The following DLG2 variants were observed in gnomAD, a reference collection of about 807,000 sequenced individuals.
The protein encoded by DLG2 is discs large MAGUK scaffold protein 2, also known as disks large homolog 2.
DLG2 carries 45 observed loss-of-function variants against 132.5 expected under a neutral mutation model. The observed-to-expected ratio is 0.34, with a 90% CI of 0.27 to 0.44. DLG2 has a LOEUF of 0.44. Among genes scored for constraint, DLG2 ranks in the 20% least tolerant of loss-of-function variants. The pLI is 1.00. For missense variants in DLG2, 1,045 were observed against 1,196.9 expected (o/e 0.87, Z 1.87); for synonymous variants, 424 against 419.6 (o/e 1.01, Z -0.13).
chr11:84,365,479 T>C (rs2098676552), intron 7 of DLG2, among the ~76,000 whole-genome samples: 1 of 152,150 alleles, frequency 6.6e-6, no homozygotes, highest in African/African-American at 2.4e-5. Flanking sequence ...GATTCATTAA[T>C]TTTTTGAAGG....
intron 7 of DLG2, among the ~76,000 whole-genome samples, chr11:84,418,054 C>G (rs1448159838): frequency 6.6e-6 from 1 of 152,156 alleles, no homozygotes; most frequent in Non-Finnish European, 1.5e-5. Flanking sequence ...TATAACTAAT[C>G]TTAAGATAAT....
At position 84,581,032 on chromosome 11, in the gene DLG2, G is replaced by C. The variant is rs141027586; in HGVS notation, c.358-46301C>G. Among the ~76,000 whole-genome samples, 543 of 152,310 alleles carry C rather than the reference G, an allele frequency of 3.6e-3. 1 individual carries two copies. Among genetic ancestry groups the C allele is most frequent in the Non-Finnish European group, 6.0e-3 (407 of 68,020 alleles). On this transcript the variant is annotated intron_variant, in intron 6 of 27. Transcript: ENST00000376104. ...CTTCTGTTGAGAGAAGCACGAAAAA[G>C]CCATTCTGTCTTTACACAAAATGAC...
intron 15 of DLG2, among the ~76,000 whole-genome samples, chr11:83,903,333 A>G (rs1257099223): frequency 6.6e-6 from 1 of 152,142 alleles, no homozygotes; most frequent in Non-Finnish European, 1.5e-5. Context: ...GAAAAAACCT[A>G]TCAGACCCAT....
At chr11:83,837,747 A>AC (rs2056612605) in intron 16 of DLG2, among the ~76,000 whole-genome samples, 1 of 147,102 alleles carries the variant, frequency 6.8e-6, no homozygotes, top group Non-Finnish European at 1.5e-5. Flanking sequence ...AAAAAAAAAA[A>AC]GAAAAGAAAG....
chr11:85,156,837 C>T (rs1032629811), intron 4 of DLG2, among the ~76,000 whole-genome samples: 1 of 152,222 alleles, frequency 6.6e-6, no homozygotes, highest in East Asian at 1.9e-4. Flanking sequence ...TTAGCCAGAT[C>T]AGAGCCCTTA....
intron 7 of DLG2, among the ~76,000 whole-genome samples, chr11:84,508,873 T>C (rs2099249690): frequency 1.3e-5 from 2 of 152,252 alleles, no homozygotes; most frequent in Non-Finnish European, 2.9e-5. Context: ...CTTTGTGAAG[T>C]AGATGCTCAG....
chr11:83,819,460 A>G (rs1189436874), intron 17 of DLG2, among the ~76,000 whole-genome samples: 3 of 116,238 alleles, frequency 2.6e-5, no homozygotes, highest in East Asian at 2.5e-4. Flanking sequence ...ACAGAGCAAG[A>G]CTCTATCTCA....
At chr11:84,002,260 T>C (rs2095233813) in intron 11 of DLG2, among the ~76,000 whole-genome samples, 1 of 152,312 alleles carries the variant, frequency 6.6e-6, no homozygotes, top group South Asian at 2.1e-4. Context: ...GTTTTCATAC[T>C]GCTATAGATA....
At position 84,583,523 on chromosome 11, in the gene DLG2, T is replaced by A. The variant is rs181454906; in HGVS notation, c.358-48792A>T. Among the ~76,000 whole-genome samples, 112 of 152,332 alleles carry A rather than the reference T, an allele frequency of 7.4e-4. 1 individual carries two copies. Among genetic ancestry groups the A allele is most frequent in the African/African-American group, 2.4e-3 (98 of 41,560 alleles). The stretch of plus-strand genomic sequence containing the variant: ...TATCTTAACAAACCCTAATGTTATG[T>A]TTTTTGACTATATGTTTGATGTATG... On this transcript the variant is annotated intron_variant, in intron 6 of 27. Coordinates refer to ENST00000376104, the MANE Select transcript of DLG2 (RefSeq NM_001142699.3).
intron 3 of DLG2, among the ~76,000 whole-genome samples, chr11:85,437,053 G>C (rs1413881848): frequency 1.3e-5 from 2 of 152,190 alleles, no homozygotes; most frequent in African/African-American, 4.8e-5. Context: ...CACAGGAACA[G>C]AAAGCCAAAC....
At chr11:84,374,436 A>C (rs2098721020) in intron 7 of DLG2, among the ~76,000 whole-genome samples, 1 of 152,200 alleles carries the variant, frequency 6.6e-6, no homozygotes, top group South Asian at 2.1e-4. Flanking sequence ...ATGCAGTCCA[A>C]CATGAATTTG....
chr11:85,495,788 C>T (rs991791097), intron 3 of DLG2, among the ~76,000 whole-genome samples: 1 of 152,124 alleles, frequency 6.6e-6, no homozygotes, highest in Non-Finnish European at 1.5e-5. Flanking sequence ...TGGGTATATA[C>T]CCAAAGTATT....
chr11:83,539,608 G>T (rs1436797765), intron 20 of DLG2, among the ~76,000 whole-genome samples: 2 of 151,260 alleles, frequency 1.3e-5, no homozygotes, highest in Non-Finnish European at 2.9e-5. Flanking sequence ...ATCCTAAAAA[G>T]AAAATTTGGC....
At chr11:84,330,467 A>G (rs536958465) in intron 7 of DLG2, among the ~76,000 whole-genome samples, 17 of 152,338 alleles carry the variant, frequency 1.1e-4, no homozygotes, top group African/African-American at 4.1e-4. Flanking sequence ...GTTTAGAAAG[A>G]TTCTGTAGTT....
intron 6 of DLG2, among the ~76,000 whole-genome samples, chr11:84,823,114 AG>A (rs1158223427): frequency 2.0e-5 from 3 of 151,930 alleles, no homozygotes; most frequent in Non-Finnish European, 4.4e-5. Flanking sequence ...TTCTAATTAA[AG>A]GTGTTCAATA....
chr11:84,314,533 A>G (rs774483319), intron 7 of DLG2, among the ~76,000 whole-genome samples: 5 of 152,188 alleles, frequency 3.3e-5, no homozygotes, highest in Non-Finnish European at 7.4e-5. Flanking sequence ...AAACAGATCT[A>G]TAAATATACA....
At chr11:85,552,017 G>A (rs759134257) in intron 3 of DLG2, among the ~76,000 whole-genome samples, 31 of 144,708 alleles carry the variant, frequency 2.1e-4, no homozygotes, top group Admixed American at 9.7e-4. Flanking sequence ...TGGTAAGCAG[G>A]AACTGAGGCA....
chr11:84,853,148 T>C (rs1267957588), intron 6 of DLG2, among the ~76,000 whole-genome samples: 1 of 151,936 alleles, frequency 6.6e-6, no homozygotes, highest in Non-Finnish European at 1.5e-5. Context: ...TACACTAAAA[T>C]TGGAGGAGCA....
At chr11:84,724,054 T>A (rs1352040237) in intron 6 of DLG2, among the ~76,000 whole-genome samples, 1 of 152,146 alleles carries the variant, frequency 6.6e-6, no homozygotes, top group African/African-American at 2.4e-5. Flanking sequence ...ATCCTTTTCA[T>A]AGCAATTTTT....
Sources: gnomAD v4.1 joint callset for allele counts (sites outside exome capture counted in the v4.1 genomes callset) on GRCh38, gnomAD v4.1.1 for gene constraint, MANE v1.5 for transcripts, NCBI Gene and HGNC (gene_info 2026-07-23, HGNC 2026-07-21) for gene names.